The following ABCC4 variants were observed in gnomAD, a reference collection of about 807,000 sequenced individuals.
ABCC4 encodes the protein ATP binding cassette subfamily C member 4 (PEL blood group), also known as ATP-binding cassette sub-family C member 4.
A neutral mutation model predicts 168.5 loss-of-function variants in ABCC4; 102 were observed. The observed-to-expected ratio is 0.61, with a 90% CI of 0.52 to 0.71. The LOEUF is 0.71. Among genes scored for constraint, ABCC4 ranks in the 30% least tolerant of loss-of-function variants. The pLI, the probability that ABCC4 is intolerant of heterozygous loss-of-function variation, is 0.00. For missense variants in ABCC4, 1,402 were observed against 1,605.8 expected (o/e 0.87, Z 2.17); for synonymous variants, 617 against 590.7 (o/e 1.04, Z -0.65).
At chr13:95,186,592 C>T (rs1048044280) in intron 11 of ABCC4, 109 bp downstream of exon 11, 7 of 972,024 alleles carry the variant, frequency 7.2e-6, no homozygotes, top group African/African-American at 1.7e-5. Context: ...TATTAAATAA[C>T]ATTCAAAGGT....
chr13:95,197,757 T>G (rs1268393786), intron 8 of ABCC4, among the ~76,000 whole-genome samples: 7 of 152,196 alleles, frequency 4.6e-5, no homozygotes, highest in African/African-American at 1.7e-4. Context: ...TTTTACTGGA[T>G]GTGGAAGTCA....
intron 20 of ABCC4, among the ~76,000 whole-genome samples, chr13:95,103,251 C>A (rs192581942): frequency 1.3e-5 from 2 of 152,014 alleles, no homozygotes; most frequent in African/African-American, 4.8e-5. Flanking sequence ...GGCGACAGAG[C>A]GAGACTCCGT....
At chr13:95,271,050 G>C (rs549648808) in intron 1 of ABCC4, among the ~76,000 whole-genome samples, 4 of 152,128 alleles carry the variant, frequency 2.6e-5, no homozygotes, top group Non-Finnish European at 5.9e-5. Flanking sequence ...AGCCGAGATC[G>C]CGCCACTGCA....
At chr13:95,075,593 G>A in intron 21 of ABCC4, 42 bp from the exon 22 acceptor site, 1 of 1,611,734 alleles carries the variant, frequency 6.2e-7, no homozygotes, top group Non-Finnish European at 8.5e-7. Flanking sequence ...GAGGCTGGGT[G>A]CAGAAAAACC....
At chr13:95,270,537 G>A (rs1304141342) in intron 1 of ABCC4, among the ~76,000 whole-genome samples, 2 of 152,082 alleles carry the variant, frequency 1.3e-5, no homozygotes, top group Non-Finnish European at 2.9e-5. Flanking sequence ...TTGCAGTTTG[G>A]TGAGACCCTG....
intron 25 of ABCC4, among the ~76,000 whole-genome samples, chr13:95,071,332 T>C (rs1323013841): frequency 1.3e-5 from 2 of 152,054 alleles, no homozygotes; most frequent in African/African-American, 4.8e-5. Flanking sequence ...ACTTGAGAAA[T>C]GCAACAAAGT....
chr13:95,294,777 A>AC (rs879899075), intron 1 of ABCC4, among the ~76,000 whole-genome samples: 20 of 151,948 alleles, frequency 1.3e-4, no homozygotes, highest in Admixed American at 4.6e-4. Flanking sequence ...ACATGTTGAA[A>AC]CCCCATCTCT....
chr13:95,113,648 T>C (rs1394678039), intron 20 of ABCC4, among the ~76,000 whole-genome samples: 2 of 151,918 alleles, frequency 1.3e-5, no homozygotes, highest in East Asian at 3.9e-4. Context: ...TTTGGGTGGG[T>C]GGCTTTAATA....
At chr13:95,037,701 A>C (rs941021668) in intron 29 of ABCC4, among the ~76,000 whole-genome samples, 5 of 152,178 alleles carry the variant, frequency 3.3e-5, no homozygotes, top group African/African-American at 1.2e-4. Context: ...ATTTTCTAAG[A>C]CACCTTTTCA....
At chr13:95,275,362 A>G (rs898809173) in intron 1 of ABCC4, among the ~76,000 whole-genome samples, 2 of 152,216 alleles carry the variant, frequency 1.3e-5, no homozygotes, top group African/African-American at 4.8e-5. Context: ...AGTTAAATAA[A>G]TAAGCACAGA....
chr13:95,044,251 A>G lies in ABCC4; in HGVS notation c.3629+15T>C. 1 of 1,595,936 alleles carries G rather than the reference A, an allele frequency of 6.3e-7. No homozygotes were observed. The highest frequency in any genetic ancestry group is 1.1e-5 in the South Asian group (1 of 87,594). ...AAAATGTGGACTCAAGGTTACATGG[A>G]CCTCAGCTTTATACCTTGGATCCAC... is the stretch of plus-strand genomic sequence containing the variant. On this transcript the variant is annotated intron_variant, in intron 28 of 30. Transcript: ENST00000645237.
chr13:95,280,480 TCAATC>T (rs1303364431), intron 1 of ABCC4, among the ~76,000 whole-genome samples: 3 of 150,166 alleles, frequency 2.0e-5, no homozygotes, highest in Non-Finnish European at 4.4e-5. Flanking sequence ...CAAGCAGAGT[TCAATC>T]CAATCAACAA....
intron 1 of ABCC4, among the ~76,000 whole-genome samples, chr13:95,294,311 C>T (rs1166133880): frequency 6.6e-6 from 1 of 151,944 alleles, no homozygotes; most frequent in East Asian, 1.9e-4. Flanking sequence ...TGCAGTGAGC[C>T]GAGATCACGC....
chr13:95,092,131 C>T (rs1347311917), intron 20 of ABCC4, among the ~76,000 whole-genome samples: 1 of 152,150 alleles, frequency 6.6e-6, no homozygotes, highest in African/African-American at 2.4e-5. Context: ...AACATATATG[C>T]ACCCAACACT....
chr13:95,030,515 T>C (rs1423484461), intron 30 of ABCC4, among the ~76,000 whole-genome samples: 2 of 152,226 alleles, frequency 1.3e-5, no homozygotes, highest in African/African-American at 4.8e-5. Context: ...TACATCAGAA[T>C]GTGACTGTAT....
At chr13:95,298,489 T>C (rs1447449039) in intron 1 of ABCC4, among the ~76,000 whole-genome samples, 3 of 151,842 alleles carry the variant, frequency 2.0e-5, no homozygotes, top group Non-Finnish European at 4.4e-5. Flanking sequence ...CAGTCCAGAG[T>C]GGATGCTGGA....
At chr13:95,165,102 A>G (rs1299570025) in intron 15 of ABCC4, among the ~76,000 whole-genome samples, 2 of 152,200 alleles carry the variant, frequency 1.3e-5, no homozygotes, top group African/African-American at 4.8e-5. Flanking sequence ...GGATGCCATC[A>G]GGATGTTCAG....
chr13:95,063,770 C>T lies in ABCC4; in HGVS notation c.3211-911G>A, dbSNP rs115978139. On this transcript the variant is annotated intron_variant, in intron 25 of 30. Transcript: ENST00000645237. ...TGCTGGTAAAAAGGTGGGGGCAATA[C>T]GTCTATATTGTAAAAACTGGCTTTC... 2.9e-3 allele frequency among the ~76,000 whole-genome samples: 437 copies of T among 152,268 alleles called. 3 individuals carry two copies. The highest frequency in any genetic ancestry group is 0.01 in the African/African-American group (422 of 41,570).
chr13:95,062,507 CAG>C (rs371008285), intron 26 of ABCC4, among the ~76,000 whole-genome samples, 195 bp downstream of exon 26: 24 of 151,288 alleles, frequency 1.6e-4, no homozygotes, highest in African/African-American at 3.6e-4. Flanking sequence ...CACACACACA[CAG>C]AGAGAGAGAG....
Sources: gnomAD v4.1 joint callset for allele counts (sites outside exome capture counted in the v4.1 genomes callset) on GRCh38, gnomAD v4.1.1 for gene constraint, MANE v1.5 for transcripts, NCBI Gene and HGNC (gene_info 2026-07-23, HGNC 2026-07-21) for gene names.